Variants in ZNF385D observed in about 807,000 individuals in gnomAD.
ZNF385D encodes zinc finger protein 385D, also known as zinc finger protein 659.
Under a neutral mutation model 35.8 loss-of-function variants are expected in ZNF385D, and 15 were observed. The observed-to-expected ratio is 0.42, with a 90% CI of 0.28 to 0.64. The LOEUF (loss-of-function observed/expected upper bound fraction) is 0.64. ZNF385D is among the 30% of genes least tolerant of loss of function. The probability of loss-of-function intolerance (pLI) is 0.23; values close to 1 mark genes in which losing one functional copy is unlikely to be tolerated. For synonymous variants in ZNF385D, 212 were observed against 186.8 expected (o/e 1.13, Z -1.10); for missense variants, 474 against 494.6 (o/e 0.96, Z 0.39).
upstream of ZNF385D, among the ~76,000 whole-genome samples, chr3:21,752,843 A>C (rs2070167648): frequency 6.6e-6 from 1 of 152,204 alleles, no homozygotes. Context: ...TTTTGGACAA[A>C]TGGAAATTGT....
rs1359910290 is a variant in ZNF385D, at chr3:21,414,151, C to T, written c.*7063G>A. 2 of 151,740 alleles carry T rather than the reference C, an allele frequency of 1.3e-5. No homozygotes were observed. Among genetic ancestry groups the T allele is most frequent in the African/African-American group, 2.4e-5 (1 of 41,286 alleles). 9.4% of individuals were successfully genotyped at this position (151,740 alleles called of 1,614,324 possible). ...GCTAGGATATAACTTATTTTTCTCA[C>T]CTAGGCTTTTATTTAATAAAAATTG... On this transcript the variant is annotated 3_prime_UTR_variant, in exon 8 of 8. Coordinates refer to ENST00000281523, the MANE Select transcript of ZNF385D (RefSeq NM_024697.3).
intron 3 of ZNF385D, among the ~76,000 whole-genome samples, chr3:21,852,200 T>C (rs1696425230): frequency 6.6e-6 from 1 of 151,974 alleles, no homozygotes; most frequent in Admixed American, 6.6e-5. Flanking sequence ...TCAATGTGAA[T>C]TTATTGTTTC....
At chr3:21,861,382 A>AT (rs1222116569) in intron 3 of ZNF385D, among the ~76,000 whole-genome samples, 1 of 152,106 alleles carries the variant, frequency 6.6e-6, no homozygotes, top group Non-Finnish European at 1.5e-5. Flanking sequence ...CATTTATCTA[A>AT]TTGCCTTCAC....
intron 3 of ZNF385D, among the ~76,000 whole-genome samples, chr3:22,158,843 A>C (rs1705761945): frequency 6.6e-6 from 1 of 152,060 alleles, no homozygotes; most frequent in Admixed American, 6.6e-5. Context: ...TTAAGGGCGT[A>C]AATCAGGAAA....
intron 2 of ZNF385D, among the ~76,000 whole-genome samples, chr3:22,247,045 T>C (rs1400632989): frequency 6.6e-6 from 1 of 152,114 alleles, no homozygotes; most frequent in Non-Finnish European, 1.5e-5. Flanking sequence ...ACTCACACAG[T>C]TTTACTTATA....
chr3:21,597,506 ATG>A (rs1213124312), intron 2 of ZNF385D, among the ~76,000 whole-genome samples: 1 of 152,168 alleles, frequency 6.6e-6, no homozygotes, highest in African/African-American at 2.4e-5. Flanking sequence ...GAAAGAGAGA[ATG>A]AGAGTGATTT....
intron 2 of ZNF385D, among the ~76,000 whole-genome samples, chr3:22,256,623 T>G (rs1045088446): frequency 2.6e-5 from 4 of 151,914 alleles, no homozygotes; most frequent in Non-Finnish European, 4.4e-5. Flanking sequence ...TCACAAAACA[T>G]TTGCTGCTGC....
intron 3 of ZNF385D, among the ~76,000 whole-genome samples, chr3:21,964,288 G>A (rs259572): frequency 0.57 from 86,272 of 150,474 alleles, 26,603 homozygotes; most frequent in African/African-American, 0.8. Context: ...TTGTATGTGT[G>A]AAAAACTATA....
intron 3 of ZNF385D, among the ~76,000 whole-genome samples, chr3:21,868,175 T>TCGTG (rs1275624762): frequency 2.0e-5 from 3 of 152,204 alleles, no homozygotes; most frequent in Middle Eastern, 3.4e-3. Context: ...TATTTTAAGC[T>TCGTG]CGTGCACGAT....
intron 2 of ZNF385D, among the ~76,000 whole-genome samples, chr3:22,255,220 A>G (rs1445628388): frequency 6.6e-6 from 1 of 151,576 alleles, no homozygotes; most frequent in Non-Finnish European, 1.5e-5. Flanking sequence ...CTTTGTAATC[A>G]CCAATATCTT....
intron 2 of ZNF385D, among the ~76,000 whole-genome samples, chr3:22,173,970 T>C (rs1035994702): frequency 6.6e-6 from 1 of 152,026 alleles, no homozygotes; most frequent in African/African-American, 2.4e-5. Flanking sequence ...ACACCTCAAC[T>C]GATTCCTTCT....
intron 2 of ZNF385D, among the ~76,000 whole-genome samples, chr3:22,245,857 C>T (rs1397828761): frequency 6.6e-6 from 1 of 152,024 alleles, no homozygotes; most frequent in Non-Finnish European, 1.5e-5. Flanking sequence ...TTGGATTTGA[C>T]ATGAAGAACC....
chr3:22,044,820 A>G (rs2125513569), intron 3 of ZNF385D, among the ~76,000 whole-genome samples: 1 of 152,206 alleles, frequency 6.6e-6, no homozygotes, highest in Non-Finnish European at 1.5e-5. Context: ...GCTAAATGTG[A>G]GAAATGGGAG....
At chr3:22,204,715 C>A (rs1367209693) in intron 2 of ZNF385D, among the ~76,000 whole-genome samples, 1 of 151,896 alleles carries the variant, frequency 6.6e-6, no homozygotes, top group African/African-American at 2.4e-5. Flanking sequence ...AAAAATGCAA[C>A]TGATATACTG....
intron 2 of ZNF385D, among the ~76,000 whole-genome samples, chr3:22,330,472 C>A (rs1269051747): frequency 6.6e-6 from 1 of 151,966 alleles, no homozygotes; most frequent in Non-Finnish European, 1.5e-5. Flanking sequence ...GATGTCTTCA[C>A]CCTTTATTTC....
At chr3:22,278,922 TCCCACAGC>T (rs1701574749) in intron 2 of ZNF385D, among the ~76,000 whole-genome samples, 1 of 152,058 alleles carries the variant, frequency 6.6e-6, no homozygotes, top group Non-Finnish European at 1.5e-5. Context: ...CTCCTGCATC[TCCCACAGC>T]CCTTACTCGC....
Position 22,050,919 on chromosome 3 carries a change from T to C in ZNF385D, c.325+117898A>G, listed in dbSNP as rs1373983734. On this transcript the variant is annotated intron_variant, in intron 3 of 5. Coordinates refer to the ZNF385D transcript ENST00000494108. ...TGCTGAGGAGAGCTTTACTTCCAAC[T>C]ATGTGGTCAATTTTGGAATAGGTGT... is the stretch of plus-strand genomic sequence containing the variant. Among the ~76,000 whole-genome samples, 4 of 25,408 alleles carry C rather than the reference T, an allele frequency of 1.6e-4. 1 individual carries two copies. Among genetic ancestry groups the C allele is most frequent in the Non-Finnish European group, 2.5e-4 (3 of 11,960 alleles). The allele number at this position is 25,408 out of a possible 152,430, so 16.7% of individuals were successfully genotyped here. A position where few individuals can be genotyped will look rare whatever the true frequency, so the allele number is the denominator to read the frequency against.
At chr3:22,310,630 C>T (rs1326556296) in intron 2 of ZNF385D, among the ~76,000 whole-genome samples, 2 of 151,688 alleles carry the variant, frequency 1.3e-5, no homozygotes, top group Admixed American at 6.6e-5. Flanking sequence ...CCTTATGTTG[C>T]TTTCTTAGAA....
chr3:22,297,405 G>C (rs771824457), intron 2 of ZNF385D, among the ~76,000 whole-genome samples: 40 of 152,194 alleles, frequency 2.6e-4, no homozygotes, highest in Middle Eastern at 3.4e-3. Flanking sequence ...AGAACCTGGA[G>C]GAATTCCAGG....
Sources: allele counts gnomAD v4.1 joint callset (sites outside exome capture counted in the v4.1 genomes callset), GRCh38; gene constraint gnomAD v4.1.1; transcripts MANE v1.5; gene names NCBI Gene and HGNC (gene_info 2026-07-23, HGNC 2026-07-21).